The following GRID1 variants were observed in gnomAD, a reference collection of about 807,000 sequenced individuals.
GRID1 encodes the protein glutamate ionotropic receptor delta type subunit 1, also known as glutamate receptor ionotropic, delta-1.
In GRID1, 28 loss-of-function variants were observed where a neutral mutation model predicts 98.0. The observed-to-expected ratio is 0.29, with a 90% CI of 0.21 to 0.39. GRID1 has a LOEUF of 0.39. Ranked by LOEUF, GRID1 falls within the 10% of genes least tolerant of loss-of-function variation. GRID1 has a pLI of 1.00. For synonymous variants in GRID1, 553 were observed against 538.5 expected, an observed-to-expected ratio of 1.03 and a Z score of -0.37; for missense variants, 1,111 against 1,340.5, an observed-to-expected ratio of 0.83 and a Z score of 2.67.
intron 8 of GRID1, among the ~76,000 whole-genome samples, chr10:85,806,370 G>T (rs1242500571): frequency 6.6e-6 from 1 of 152,092 alleles, no homozygotes; most frequent in Non-Finnish European, 1.5e-5. Flanking sequence ...AATACAAAAG[G>T]ATATAGCCAA....
chr10:85,786,478 T>A (rs1374297262), intron 8 of GRID1, among the ~76,000 whole-genome samples: 1 of 152,158 alleles, frequency 6.6e-6, no homozygotes, highest in African/African-American at 2.4e-5. Flanking sequence ...CCTGCAGGCA[T>A]GCCGGACTCC....
intron 2 of GRID1, among the ~76,000 whole-genome samples, chr10:86,236,589 A>C (rs1158077576): frequency 6.6e-6 from 1 of 152,230 alleles, no homozygotes; most frequent in Non-Finnish European, 1.5e-5. Flanking sequence ...CGGCATCCCC[A>C]GCATGTTCCC....
intron 12 of GRID1, among the ~76,000 whole-genome samples, chr10:85,683,591 G>T (rs2132600396): frequency 6.6e-6 from 1 of 152,252 alleles, no homozygotes; most frequent in Non-Finnish European, 1.5e-5. Flanking sequence ...AAAGAAAATT[G>T]CCATGAAATC....
At chr10:86,167,593 G>A (rs888885860) in intron 3 of GRID1, among the ~76,000 whole-genome samples, 1 of 152,186 alleles carries the variant, frequency 6.6e-6, no homozygotes, top group Non-Finnish European at 1.5e-5. Flanking sequence ...AAGATGTCAG[G>A]TGTGCACCAT....
chr10:86,322,025 T>C lies in GRID1; in HGVS notation c.235+41916A>G, dbSNP rs145641477. 5.7e-3 allele frequency among the ~76,000 whole-genome samples: 865 copies of C among 152,104 alleles called. 8 individuals are homozygous for C. Among genetic ancestry groups the C allele is most frequent in the Non-Finnish European group, 7.3e-3 (497 of 68,000 alleles). The stretch of plus-strand genomic sequence containing the variant: ...GACTTGGGTACTAGGACAAGCAGAA[T>C]GACACTTTGAACGAGAAAACAGAGA... On this transcript the variant is annotated intron_variant, in intron 2 of 15. Transcript: ENST00000327946.
chr10:86,266,684 T>C (rs947262309), intron 2 of GRID1, among the ~76,000 whole-genome samples: 4 of 152,224 alleles, frequency 2.6e-5, no homozygotes, highest in Non-Finnish European at 4.4e-5. Flanking sequence ...AAAGGCCCAC[T>C]GGGCCCCTGG....
intron 4 of GRID1, among the ~76,000 whole-genome samples, chr10:85,923,469 C>T (rs1841733633): frequency 6.6e-6 from 1 of 152,138 alleles, no homozygotes; most frequent in Admixed American, 6.5e-5. Flanking sequence ...CTGGGAAAGG[C>T]TGGAGGGGAA....
chr10:86,178,793 C>A (rs896836940), intron 3 of GRID1, among the ~76,000 whole-genome samples: 6 of 152,106 alleles, frequency 3.9e-5, no homozygotes, highest in African/African-American at 1.4e-4. Context: ...CTGCTTGATT[C>A]GGAGTGAGAC....
intron 5 of GRID1, among the ~76,000 whole-genome samples, chr10:85,879,917 C>T (rs1329977033): frequency 6.6e-6 from 1 of 151,904 alleles, no homozygotes; most frequent in Non-Finnish European, 1.5e-5. Context: ...CAAATAGACG[C>T]AATAAAAAAT....
intron 4 of GRID1, among the ~76,000 whole-genome samples, chr10:86,014,212 A>T (rs1275480026): frequency 6.6e-6 from 1 of 152,216 alleles, no homozygotes; most frequent in Non-Finnish European, 1.5e-5. Flanking sequence ...CAAGTTAAAC[A>T]TGCCAGACAT....
chr10:85,738,009 A>G (rs923666792), intron 8 of GRID1, among the ~76,000 whole-genome samples: 2 of 152,028 alleles, frequency 1.3e-5, no homozygotes, highest in Non-Finnish European at 2.9e-5. Flanking sequence ...GGCCAGCAGG[A>G]CAGTCAGGAT....
intron 2 of GRID1, among the ~76,000 whole-genome samples, chr10:86,293,294 C>T (rs575334924): frequency 5.9e-5 from 9 of 152,276 alleles, no homozygotes; most frequent in African/African-American, 2.2e-4. Context: ...GAGCCATCGC[C>T]TACCTCCCCA....
chr10:85,818,594 G>C (rs779680351), intron 8 of GRID1, among the ~76,000 whole-genome samples: 5 of 152,154 alleles, frequency 3.3e-5, no homozygotes, highest in African/African-American at 4.8e-5. Context: ...TACAAGATGG[G>C]AACAGAGCAT....
chr10:86,156,750 G>C (rs2131983650), intron 3 of GRID1, among the ~76,000 whole-genome samples: 1 of 152,356 alleles, frequency 6.6e-6, no homozygotes, highest in African/African-American at 2.4e-5. Context: ...GAGACGTCTA[G>C]AACAAGTCAT....
chr10:86,044,802 G>C (rs1162245671), intron 4 of GRID1, among the ~76,000 whole-genome samples: 6 of 152,170 alleles, frequency 3.9e-5, no homozygotes, highest in East Asian at 3.9e-4. Flanking sequence ...GGTAGAACTT[G>C]GTGGCTCGTT....
At chr10:86,352,182 C>A (rs1848472938) in intron 2 of GRID1, among the ~76,000 whole-genome samples, 2 of 152,198 alleles carry the variant, frequency 1.3e-5, no homozygotes, top group African/African-American at 4.8e-5. Context: ...ATGAGAGTCA[C>A]CCATCCTCAG....
chr10:86,139,033 T>C lies in GRID1; in HGVS notation c.521-9A>G, dbSNP rs1196655068. ...TTGAAGCCCACGGATATCTGAGCAG[T>C]GAGAGAAGAGGAGGAAAAGAAAAAT... is the stretch of plus-strand genomic sequence containing the variant. On this transcript the variant is annotated splice_polypyrimidine_tract_variant and intron_variant, in intron 3 of 15. Coordinates refer to ENST00000327946, the MANE Select transcript of GRID1 (RefSeq NM_017551.3). The C allele has an allele frequency of 1.2e-6, 2 of 1,602,020 alleles. No homozygotes were observed. The highest frequency in any genetic ancestry group is 1.1e-5 in the South Asian group (1 of 90,840).
intron 2 of GRID1, among the ~76,000 whole-genome samples, chr10:86,215,131 C>G (rs1226503718): frequency 6.6e-6 from 1 of 152,196 alleles, no homozygotes; most frequent in East Asian, 1.9e-4. Context: ...TGAGGCCTGG[C>G]TCAGGCAGCA....
intron 12 of GRID1, among the ~76,000 whole-genome samples, chr10:85,679,950 T>C (rs1191504862): frequency 6.6e-6 from 1 of 152,026 alleles, no homozygotes; most frequent in Non-Finnish European, 1.5e-5. Flanking sequence ...GGCCAGTGAG[T>C]GCAGGCAGTC....
Sources: gnomAD v4.1 joint callset for allele counts (sites outside exome capture counted in the v4.1 genomes callset) on GRCh38, gnomAD v4.1.1 for gene constraint, MANE v1.5 for transcripts, NCBI Gene and HGNC (gene_info 2026-07-23, HGNC 2026-07-21) for gene names.